SCAMP4: variants seen among roughly 807,000 people sequenced by gnomAD.
The protein encoded by SCAMP4 is secretory carrier membrane protein 4.
Under a neutral mutation model 32.1 loss-of-function variants are expected in SCAMP4, and 19 were observed. The observed-to-expected ratio is 0.59, with a 90% CI of 0.41 to 0.87. SCAMP4 has a LOEUF of 0.87. Among genes scored for constraint, SCAMP4 ranks in the 40% least tolerant of loss-of-function variants. The probability of loss-of-function intolerance (pLI) is 0.00; values close to 1 mark genes in which losing one functional copy is unlikely to be tolerated. For synonymous variants in SCAMP4, 152 were observed against 132.7 expected, an observed-to-expected ratio of 1.15 and a Z score of -1.00; for missense variants, 302 against 309.0, an observed-to-expected ratio of 0.98 and a Z score of 0.17.
At chr19:1,917,266 A>T (rs2013762526) in intron 2 of SCAMP4, among the ~76,000 whole-genome samples, 2 of 152,212 alleles carry the variant, frequency 1.3e-5, no homozygotes, top group South Asian at 4.1e-4. Context: ...AGATCGCACC[A>T]CTGCCCTCTA....
Position 1,922,718 on chromosome 19 carries a change from C to T in SCAMP4, c.396-352C>T, listed in dbSNP as rs144998564. On this transcript the variant is annotated intron_variant, in intron 5 of 6. Transcript: ENST00000316097. ...TTTGAGTCTTTCCATGGCTGGTGCC[C>T]GCCGGACTCACTGAGGGAAACTAAT... 87 of 1,000,716 alleles carry T rather than the reference C, an allele frequency of 8.7e-5. No individual in the cohort carries two copies. The Admixed American group carries it at 1.7e-3, about 19-fold the overall frequency. The allele number at this position is 1,000,716 out of a possible 1,614,324, so 62.0% of individuals were successfully genotyped here. A position where few individuals can be genotyped will look rare whatever the true frequency, so the allele number is the denominator to read the frequency against.
At position 1,923,934 on chromosome 19, in the gene SCAMP4, T is replaced by C. The variant is rs149021370; in HGVS notation, c.514-174T>C. Among the ~76,000 whole-genome samples the C allele has an allele frequency of 2.0e-4, 14 of 68,870 alleles. 2 individuals carry two copies. Among genetic ancestry groups the C allele is most frequent in the Non-Finnish European group, 5.3e-4 (10 of 18,704 alleles). 45.2% of individuals were successfully genotyped at this position (68,870 alleles called of 152,430 possible). On this transcript the variant is annotated intron_variant, in intron 6 of 6. Transcript: ENST00000316097. ...GCCACCGTGCCCGGCCTATTTTTTA[T>C]ATTGTAGTAGAGACAGGGTTTCACC...
At chr19:1,912,978 G>T in intron 1 of SCAMP4, 4 of 1,609,788 alleles carry the variant, frequency 2.5e-6, no homozygotes, top group Non-Finnish European at 3.4e-6. Context: ...CGCCATGTGC[G>T]CCATGGCCCT....
At chr19:1,916,408 C>G (rs996858080) in intron 2 of SCAMP4, among the ~76,000 whole-genome samples, 4 of 152,130 alleles carry the variant, frequency 2.6e-5, no homozygotes, top group African/African-American at 4.8e-5. Context: ...TCCTGAGACA[C>G]CTTGATCTCA....
chr19:1,923,614 G>GGT (rs2013988562), intron 6 of SCAMP4, among the ~76,000 whole-genome samples: 1 of 44,128 alleles, frequency 2.3e-5, no homozygotes, highest in Non-Finnish European at 4.2e-5. Flanking sequence ...ACAGCAAAAT[G>GGT]CTTTTTTTTT....
rs2014063052 is a variant in SCAMP4 at position 1,925,292 on chromosome 19, T to G, written c.*1008T>G. ...TTTATATTTTTAGTACAGATGGGGT[T>G]TCACCATGTTGGCCAGGCTGGTCTC... On this transcript the variant is annotated 3_prime_UTR_variant, in exon 7 of 7. Coordinates refer to ENST00000316097, the MANE Select transcript of SCAMP4 (RefSeq NM_079834.4). 1 of 152,190 alleles carries G rather than the reference T, an allele frequency of 6.6e-6. No homozygotes were observed. The highest frequency in any genetic ancestry group is 2.4e-5 in the African/African-American group (1 of 41,394). 9.4% of individuals were successfully genotyped at this position (152,190 alleles called of 1,614,324 possible).
rs746114708 is a variant in SCAMP4 at position 1,924,175 on chromosome 19, C to T, written c.581C>T (p.Thr194Ile). The T allele has an allele frequency of 7.8e-5, 126 of 1,611,864 alleles. No homozygotes were observed. In the Middle Eastern group the frequency reaches 1.2e-3, roughly 15 times the overall value. The change falls in exon 7 of 7, where the codon ACT becomes ATT. Residue 194 changes from threonine (T) to isoleucine (I), a missense_variant. Coordinates refer to ENST00000316097, the MANE Select transcript of SCAMP4 (RefSeq NM_079834.4). ...GCACAGACGGAGTGGAACACGGGCA[C>T]TTGGCGGAACCCACCGTCGAGGGAG... Reference protein sequence around the residue: ...QKAQTEWNTGTWRNPPSREAQ... With the variant: ...QKAQTEWNTGIWRNPPSREAQ...
chr19:1,920,451 G>T lies in SCAMP4; in HGVS notation c.395+1461G>T, dbSNP rs761085510. 104 of 620,342 alleles carry T rather than the reference G, an allele frequency of 1.7e-4. 1 individual carries two copies. Among genetic ancestry groups the T allele is most frequent in the Non-Finnish European group, 2.1e-4 (102 of 496,436 alleles). 38.4% of individuals were successfully genotyped at this position (620,342 alleles called of 1,614,324 possible). Reference sequence around the variant, plus strand: ...CAGGCCTCTCCCCTCCTGCACCTGCGCCTGGCGCCAGGCCCTCCAGGGTGG... The same window carrying T: ...CAGGCCTCTCCCCTCCTGCACCTGCTCCTGGCGCCAGGCCCTCCAGGGTGG... On this transcript the variant is annotated intron_variant, in intron 5 of 6. Coordinates refer to ENST00000316097, the MANE Select transcript of SCAMP4 (RefSeq NM_079834.4).
intron 1 of SCAMP4, chr19:1,907,316 C>T (rs1017723281): frequency 2.0e-5 from 3 of 151,774 alleles, no homozygotes; most frequent in Non-Finnish European, 4.4e-5. Context: ...TCCGAGGAGC[C>T]CTCCTGGATT....
intron 5 of SCAMP4, chr19:1,922,460 C>T (rs1263920221): frequency 1.2e-6 from 1 of 844,198 alleles, no homozygotes; most frequent in Non-Finnish European, 1.4e-6. Context: ...GTCTCCAGTT[C>T]CTGGCCTCAA....
At chr19:1,923,681 C>T (rs775518232) in intron 6 of SCAMP4, among the ~76,000 whole-genome samples, 18 of 124,230 alleles carry the variant, frequency 1.4e-4, no homozygotes, top group Admixed American at 3.1e-4. Flanking sequence ...TGTAGTGGTG[C>T]GATCTCTGCT....
At chr19:1,922,982 C>T (rs1352289555) in intron 5 of SCAMP4, 88 bp from the exon 6 acceptor site, 13 of 1,419,140 alleles carry the variant, frequency 9.2e-6, no homozygotes, top group Non-Finnish European at 1.2e-5. Flanking sequence ...TTGGCCAGAG[C>T]TCTTTACATG....
intron 5 of SCAMP4, chr19:1,920,610 A>AG: frequency 2.0e-6 from 2 of 985,410 alleles, no homozygotes; most frequent in Non-Finnish European, 2.4e-6. Flanking sequence ...TGGGACTCCC[A>AG]GCTCTGCCAG....
intron 6 of SCAMP4, among the ~76,000 whole-genome samples, chr19:1,923,846 C>T (rs752883431): frequency 3.6e-5 from 4 of 109,624 alleles, no homozygotes; most frequent in Non-Finnish European, 6.8e-5. Context: ...AGGATGGTCT[C>T]AATCTCCTGA....
At chr19:1,909,473 A>G (rs1429737937) in intron 1 of SCAMP4, among the ~76,000 whole-genome samples, 2 of 151,950 alleles carry the variant, frequency 1.3e-5, no homozygotes, top group African/African-American at 4.8e-5. Flanking sequence ...CAGGGATGGT[A>G]ATGGCTCTAC....
At chr19:1,910,124 G>T (rs1036806578) in intron 1 of SCAMP4, among the ~76,000 whole-genome samples, 20 of 152,206 alleles carry the variant, frequency 1.3e-4, no homozygotes, top group Non-Finnish European at 2.6e-4. Context: ...CCAGCTCCCG[G>T]TTCTGTGGGT....
Position 1,912,592 on chromosome 19 carries a change from C to T in SCAMP4, c.-41-2387C>T. 3 of 1,493,350 alleles carry T rather than the reference C, an allele frequency of 2.0e-6. No homozygotes were observed. Among genetic ancestry groups the T allele is most frequent in the African/African-American group, 1.5e-5 (1 of 68,658 alleles). 92.5% of individuals were successfully genotyped at this position (1,493,350 alleles called of 1,614,324 possible). A position where few individuals can be genotyped will look rare whatever the true frequency, so the allele number is the denominator to read the frequency against. Reference sequence around the variant, plus strand: ...AGCGCCCTGGCTGGGCGGCTCTTCTCCACGCAGGAGCGCGCCGCCATGCAG... The same window carrying T: ...AGCGCCCTGGCTGGGCGGCTCTTCTTCACGCAGGAGCGCGCCGCCATGCAG... On this transcript the variant is annotated intron_variant, in intron 1 of 6. Coordinates refer to ENST00000316097, the MANE Select transcript of SCAMP4 (RefSeq NM_079834.4).
Position 1,924,087 on chromosome 19 carries a change from C to G in SCAMP4, c.514-21C>G, listed in dbSNP as rs778508548. 8.9e-6 allele frequency: 14 copies of G among 1,576,482 alleles called. No individual in the cohort carries two copies. The South Asian group carries it at 1.6e-4, about 18-fold the overall frequency. On this transcript the variant is annotated intron_variant, in intron 6 of 6. Coordinates refer to ENST00000316097, the MANE Select transcript of SCAMP4 (RefSeq NM_079834.4). ...CATGCTCATTTTCTGTCTTCTGCCT[C>G]CCTGTCCTCTGTCCTTGCAGGTGCA...
intron 1 of SCAMP4, among the ~76,000 whole-genome samples, 163 bp from the exon 2 acceptor site, chr19:1,914,816 G>A (rs2013674391): frequency 6.6e-6 from 1 of 152,194 alleles, no homozygotes; most frequent in Non-Finnish European, 1.5e-5. Flanking sequence ...GGGACCTGTG[G>A]GGTAACACAT....
Sources: allele counts gnomAD v4.1 joint callset (sites outside exome capture counted in the v4.1 genomes callset), GRCh38; gene constraint gnomAD v4.1.1; transcripts MANE v1.5; gene names NCBI Gene and HGNC (gene_info 2026-07-23, HGNC 2026-07-21).